FAM171B: variants seen among roughly 807,000 people sequenced by gnomAD.
The protein encoded by FAM171B is protein FAM171B.
A neutral mutation model predicts 75.6 loss-of-function variants in FAM171B; 19 were observed. The observed-to-expected ratio is 0.25, with a 90% confidence interval of 0.18 to 0.37. The LOEUF is 0.37. FAM171B is among the 10% of genes least tolerant of loss of function. The pLI is 1.00. For missense variants in FAM171B, 848 were observed against 982.4 expected, an observed-to-expected ratio of 0.86 and a Z score of 1.83; for synonymous variants, 367 against 361.7, an observed-to-expected ratio of 1.01 and a Z score of -0.17.
At chr2:186,712,046 A>T (rs2105775147) in intron 1 of FAM171B, among the ~76,000 whole-genome samples, 1 of 152,326 alleles carries the variant, frequency 6.6e-6, no homozygotes, top group East Asian at 1.9e-4. Flanking sequence ...TTTATGTCGC[A>T]GAATGCCTTG....
intron 1 of FAM171B, among the ~76,000 whole-genome samples, chr2:186,723,560 T>C (rs1219828725): frequency 1.3e-5 from 2 of 152,200 alleles, no homozygotes; most frequent in Non-Finnish European, 2.9e-5. Flanking sequence ...GGGTAACAGA[T>C]AAATGATGAA....
chr2:186,761,145 A>G lies in FAM171B; in HGVS notation c.1045A>G (p.Thr349Ala). ...TATAAATGAAGATTCCAAGGACATA[A>G]CTGCCTACCACACAGTGTTTCTTAC... ...SGINEDSKDI[T>A]AYHTVFLTAI... The change falls in exon 7 of 8, where the codon ACT becomes GCT. Residue 349 changes from threonine (T) to alanine (A), a missense_variant. Around this residue, in one of 3 missense-constraint regions of FAM171B, gnomAD observed 665 missense variants for 729.0 expected, o/e 0.91. Coordinates refer to ENST00000304698, the MANE Select transcript of FAM171B (RefSeq NM_177454.4). 6.2e-7 allele frequency: 1 copy of G among 1,611,646 alleles called. No individual in the cohort carries two copies. Among genetic ancestry groups the G allele is most frequent in the South Asian group, 1.1e-5 (1 of 90,694 alleles).
intron 1 of FAM171B, among the ~76,000 whole-genome samples, chr2:186,733,991 A>G (rs1323972466): frequency 6.6e-6 from 1 of 152,124 alleles, no homozygotes; most frequent in Non-Finnish European, 1.5e-5. Context: ...TCAGCCCTGT[A>G]TGTGTTACAG....
rs1690631265 is a variant in FAM171B at position 186,762,358 on chromosome 2, C to G, written c.2016C>G (p.Ala672=). The change falls in exon 8 of 8, where the codon GCC becomes GCG. Residue 672 remains alanine (A), a synonymous_variant. Coordinates refer to ENST00000304698, the MANE Select transcript of FAM171B (RefSeq NM_177454.4). The surrounding 1 kb of genome is among the most constrained non-coding windows in gnomAD (Gnocchi z 4.0). ...GAAAGCCCTCCCCGCATCCCAGAGCCTGGTTTGTGTCTCTTGATGGAAAGC... is the reference window on the plus strand; with the variant it reads ...GAAAGCCCTCCCCGCATCCCAGAGCGTGGTTTGTGTCTCTTGATGGAAAGC... ...SKGKPSPHPR[A]WFVSLDGKPV... 3 of 1,613,766 alleles carry G rather than the reference C, an allele frequency of 1.9e-6. No individual in the cohort carries two copies. The African/African-American group carries it at 4.0e-5, about 22-fold the overall frequency.
At chr2:186,740,203 G>T (rs1211898033) in intron 1 of FAM171B, 25 bp from the exon 2 acceptor site, 1 of 1,560,162 alleles carries the variant, frequency 6.4e-7, no homozygotes, top group Non-Finnish European at 8.8e-7. Context: ...ACGACATGCT[G>T]CAATTTCTAC....
chr2:186,747,301 A>T (rs548886386), intron 4 of FAM171B, 51 bp downstream of exon 4: 2 of 1,272,106 alleles, frequency 1.6e-6, no homozygotes, highest in South Asian at 3.6e-5. Flanking sequence ...TAGTACACAA[A>T]TCTTTCATCA....
chr2:186,718,763 C>A (rs1689908749), intron 1 of FAM171B, among the ~76,000 whole-genome samples: 1 of 152,184 alleles, frequency 6.6e-6, no homozygotes, highest in Admixed American at 6.5e-5. Context: ...TTTACTGAGG[C>A]AAATTTAATT....
rs1264724762 is a variant in FAM171B, at chr2:186,694,216, G to T, written c.43G>T (p.Gly15Cys). Residue 15 changes from glycine to cysteine, a missense_variant, in exon 1 of 8, where the codon GGC becomes TGC. Physicochemically the swap from Gly to Cys is radical, Grantham distance 159. Transcript: ENST00000304698. ...GCGTGTCCCCTGCACCCTGCTTCTCGGCCTGGCCGTGGTGCTGCTGAAAGC... is the reference window on the plus strand; with the variant it reads ...GCGTGTCCCCTGCACCCTGCTTCTCTGCCTGGCCGTGGTGCTGCTGAAAGC... ...CRRVPCTLLL[G>C]LAVVLLKARL... 3.1e-6 allele frequency: 5 copies of T among 1,609,092 alleles called. No homozygotes were observed. The highest frequency in any genetic ancestry group is 1.3e-5 in the African/African-American group (1 of 74,918).
intron 4 of FAM171B, among the ~76,000 whole-genome samples, chr2:186,748,384 G>A (rs1366919518): frequency 6.6e-6 from 1 of 151,504 alleles, no homozygotes; most frequent in Non-Finnish European, 1.5e-5. Flanking sequence ...CAGGAAATAA[G>A]TATTTTGGTT....
chr2:186,708,861 G>A (rs1689770754), intron 1 of FAM171B, among the ~76,000 whole-genome samples: 1 of 152,138 alleles, frequency 6.6e-6, no homozygotes, highest in South Asian at 2.1e-4. Context: ...GATATACTTA[G>A]GTTGAAAGTA....
chr2:186,723,570 A>T (rs571818116), intron 1 of FAM171B, among the ~76,000 whole-genome samples: 1 of 152,278 alleles, frequency 6.6e-6, no homozygotes, highest in East Asian at 1.9e-4. Flanking sequence ...TAAATGATGA[A>T]TTTAATCTTC....
chr2:186,745,194 A>G (rs1241171737), intron 3 of FAM171B, among the ~76,000 whole-genome samples: 1 of 152,218 alleles, frequency 6.6e-6, no homozygotes, highest in Non-Finnish European at 1.5e-5. Context: ...GAAAGAATGG[A>G]AAGTAAATAA....
chr2:186,711,255 T>C (rs1319305913), intron 1 of FAM171B, among the ~76,000 whole-genome samples: 3 of 152,246 alleles, frequency 2.0e-5, no homozygotes, highest in Non-Finnish European at 4.4e-5. Flanking sequence ...CTACATACTC[T>C]CTTCCAGGCT....
chr2:186,763,639 C>A lies in FAM171B; in HGVS notation c.*816C>A, dbSNP rs1690657101. The A allele has an allele frequency of 6.6e-6, 1 of 151,924 alleles. No individual in the cohort carries two copies. The highest frequency in any genetic ancestry group is 1.5e-5 in the Non-Finnish European group (1 of 67,964). 9.4% of individuals were successfully genotyped at this position (151,924 alleles called of 1,614,324 possible). A position where few individuals can be genotyped will look rare whatever the true frequency, so the allele number is the denominator to read the frequency against. On this transcript the variant is annotated 3_prime_UTR_variant, in exon 8 of 8. Transcript: ENST00000304698. ...AACAATCTATGACTTTGGTTTAAGGCTCACTGATACTTTTAGGCTAAATTG... is the reference window on the plus strand; with the variant it reads ...AACAATCTATGACTTTGGTTTAAGGATCACTGATACTTTTAGGCTAAATTG...
intron 1 of FAM171B, among the ~76,000 whole-genome samples, chr2:186,731,290 T>C (rs993509979): frequency 1.3e-5 from 2 of 152,164 alleles, no homozygotes; most frequent in Non-Finnish European, 2.9e-5. Context: ...TATTATGTAG[T>C]TCACAGATCA....
At chr2:186,742,510 A>G (rs1020978779) in intron 2 of FAM171B, among the ~76,000 whole-genome samples, 1 of 152,148 alleles carries the variant, frequency 6.6e-6, no homozygotes, top group Admixed American at 6.5e-5. Flanking sequence ...ACTTCCACCC[A>G]TCATTGTATA....
chr2:186,697,346 A>G (rs1559079298), intron 1 of FAM171B, among the ~76,000 whole-genome samples: 1 of 150,502 alleles, frequency 6.6e-6, no homozygotes, highest in South Asian at 2.1e-4. Flanking sequence ...GTCAGTCTCA[A>G]CCTCCTGGGC....
chr2:186,720,023 A>G (rs1689929150), intron 1 of FAM171B, among the ~76,000 whole-genome samples: 3 of 152,230 alleles, frequency 2.0e-5, no homozygotes, highest in Admixed American at 1.3e-4. Flanking sequence ...ATCTTAACTG[A>G]AAAACACAGC....
At chr2:186,751,812 C>T (rs1264616448) in intron 5 of FAM171B, among the ~76,000 whole-genome samples, 1 of 152,138 alleles carries the variant, frequency 6.6e-6, no homozygotes, top group Non-Finnish European at 1.5e-5. Context: ...TCATCCTCAG[C>T]TTCCCTTTGT....
Sources: gnomAD v4.1 joint callset for allele counts (sites outside exome capture counted in the v4.1 genomes callset) on GRCh38, gnomAD v4.1.1 for gene constraint, gnomAD v4.1.1 regional missense constraint, Gnocchi (gnomAD v3.1) non-coding constraint, MANE v1.5 for transcripts, NCBI Gene and HGNC (gene_info 2026-07-23, HGNC 2026-07-21) for gene names.